The following NALF1 variants were observed in gnomAD, a reference collection of about 807,000 sequenced individuals.
NALF1 encodes NALCN channel auxiliary factor 1, also known as family with sequence similarity 155 member A.
Under a neutral mutation model 48.4 loss-of-function variants are expected in NALF1, and 3 were observed. That is an observed-to-expected ratio of 0.06 (90% CI 0.03 to 0.16). The LOEUF is 0.16. Ranked by LOEUF, NALF1 falls within the 10% of genes least tolerant of loss-of-function variation. The probability of loss-of-function intolerance (pLI) is 1.00; values close to 1 mark genes in which losing one functional copy is unlikely to be tolerated. For missense variants in NALF1, 526 were observed against 571.5 expected (o/e 0.92, Z 0.81); for synonymous variants, 262 against 245.7 (o/e 1.07, Z -0.62).
At chr13:107,802,634 C>T (rs1878654668) in intron 1 of NALF1, among the ~76,000 whole-genome samples, 1 of 151,982 alleles carries the variant, frequency 6.6e-6, no homozygotes, top group Admixed American at 6.6e-5. Flanking sequence ...AAGAGATGCA[C>T]AGAACAAGTT....
chr13:107,262,589 C>T (rs1440938263), intron 1 of NALF1, among the ~76,000 whole-genome samples: 2 of 152,078 alleles, frequency 1.3e-5, no homozygotes, highest in East Asian at 3.9e-4. Flanking sequence ...CAATCATTTC[C>T]CTCAGAAAAC....
chr13:107,192,652 A>G (rs1879307792), intron 2 of NALF1, among the ~76,000 whole-genome samples: 1 of 134,340 alleles, frequency 7.4e-6, no homozygotes, highest in South Asian at 2.5e-4. Context: ...AACCATATCT[A>G]TTACTGAAGT....
At chr13:107,448,964 C>G (rs1469561210) in intron 1 of NALF1, among the ~76,000 whole-genome samples, 1 of 152,164 alleles carries the variant, frequency 6.6e-6, no homozygotes, top group East Asian at 1.9e-4. Context: ...CACACGACTG[C>G]CAGGTGCAGT....
intron 1 of NALF1, among the ~76,000 whole-genome samples, chr13:107,344,887 AT>A (rs955741747): frequency 1.3e-5 from 2 of 152,162 alleles, no homozygotes; most frequent in Non-Finnish European, 2.9e-5. Context: ...AAGAAGTAAA[AT>A]TATCTCTTTT....
intron 1 of NALF1, among the ~76,000 whole-genome samples, chr13:107,479,580 C>T (rs1240253447): frequency 1.3e-5 from 2 of 151,978 alleles, no homozygotes; most frequent in South Asian, 2.1e-4. Context: ...AATGGTTAAA[C>T]AGTTAATTTC....
intron 1 of NALF1, among the ~76,000 whole-genome samples, chr13:107,310,132 G>C (rs1273566341): frequency 6.6e-6 from 1 of 152,032 alleles, no homozygotes; most frequent in East Asian, 1.9e-4. Flanking sequence ...CTTCTGGGCT[G>C]GGTGTGGTGG....
intron 1 of NALF1, among the ~76,000 whole-genome samples, chr13:107,664,490 G>A (rs1880806881): frequency 6.6e-6 from 1 of 152,208 alleles, no homozygotes; most frequent in Admixed American, 6.5e-5. Flanking sequence ...CCTATTTAAT[G>A]CAAAGGAAAA....
chr13:107,862,567 CATAA>C (rs1191226423), intron 1 of NALF1, among the ~76,000 whole-genome samples: 2 of 151,834 alleles, frequency 1.3e-5, no homozygotes, highest in South Asian at 4.1e-4. Context: ...TTTATTTATC[CATAA>C]ATAATTTCCC....
At chr13:107,396,821 C>T (rs7995672) in intron 1 of NALF1, among the ~76,000 whole-genome samples, 20,515 of 152,098 alleles carry the variant, frequency 0.13, 1,490 homozygotes, top group South Asian at 0.21. Flanking sequence ...AGGAGCTCTG[C>T]GGATTTTTTT....
chr13:107,619,775 A>G lies in NALF1; in HGVS notation c.915+245907T>C, dbSNP rs377134826. On this transcript the variant is annotated intron_variant, in intron 1 of 2. Transcript: ENST00000375915. ...ACTAGCTAATAGCAGAACTACGACA[A>G]GAATGTAGGTCTCCTTATTCTTGGT... Among the ~76,000 whole-genome samples, 182 of 152,284 alleles carry G rather than the reference A, an allele frequency of 1.2e-3. 7 individuals carry two copies. In the South Asian group the frequency reaches 0.035, roughly 29 times the overall value.
At chr13:107,846,500 T>C (rs2138638812) in intron 1 of NALF1, among the ~76,000 whole-genome samples, 1 of 152,216 alleles carries the variant, frequency 6.6e-6, no homozygotes, top group Admixed American at 6.5e-5. Context: ...CCTACCCCAC[T>C]CTCCCTAGCA....
chr13:107,469,490 A>C (rs144016314), intron 1 of NALF1, among the ~76,000 whole-genome samples: 1 of 152,256 alleles, frequency 6.6e-6, no homozygotes, highest in East Asian at 1.9e-4. Flanking sequence ...CTTGGTACCA[A>C]CATCTGTGGA....
chr13:107,841,502 G>A (rs1380394497), intron 1 of NALF1, among the ~76,000 whole-genome samples: 4 of 152,030 alleles, frequency 2.6e-5, no homozygotes, highest in Non-Finnish European at 5.9e-5. Context: ...CCCACCACTG[G>A]AATAATGTAA....
At chr13:107,825,155 C>T (rs572388096) in intron 1 of NALF1, among the ~76,000 whole-genome samples, 23 of 152,174 alleles carry the variant, frequency 1.5e-4, no homozygotes, top group Non-Finnish European at 2.5e-4. Context: ...ATTTGGAATG[C>T]GTTATAGTTA....
intron 1 of NALF1, among the ~76,000 whole-genome samples, chr13:107,455,960 T>G (rs1474355154): frequency 6.6e-6 from 1 of 152,174 alleles, no homozygotes; most frequent in Non-Finnish European, 1.5e-5. Context: ...CTTGGGCAAT[T>G]ATGAATAAAG....
At chr13:107,850,705 C>T (rs1880286761) in intron 1 of NALF1, among the ~76,000 whole-genome samples, 1 of 152,114 alleles carries the variant, frequency 6.6e-6, no homozygotes, top group Non-Finnish European at 1.5e-5. Context: ...GAGTTCAATA[C>T]CAGCCTGGCC....
At chr13:107,801,937 C>T (rs1878626268) in intron 1 of NALF1, among the ~76,000 whole-genome samples, 1 of 152,094 alleles carries the variant, frequency 6.6e-6, no homozygotes, top group African/African-American at 2.4e-5. Context: ...AATTCTATGA[C>T]TGTCTGTGTA....
At chr13:107,450,797 T>C (rs1884727929) in intron 1 of NALF1, among the ~76,000 whole-genome samples, 1 of 152,158 alleles carries the variant, frequency 6.6e-6, no homozygotes, top group East Asian at 1.9e-4. Context: ...AACAGATAAT[T>C]TGCAAGAAGA....
intron 1 of NALF1, among the ~76,000 whole-genome samples, chr13:107,836,242 T>C (rs950149572): frequency 2.0e-5 from 3 of 152,114 alleles, no homozygotes; most frequent in African/African-American, 7.2e-5. Flanking sequence ...CTGCCCCCCT[T>C]GGCATCCTAA....
Sources: gnomAD v4.1 joint callset for allele counts (sites outside exome capture counted in the v4.1 genomes callset) on GRCh38, gnomAD v4.1.1 for gene constraint, MANE v1.5 for transcripts, NCBI Gene and HGNC (gene_info 2026-07-23, HGNC 2026-07-21) for gene names.